NBEAL1: variants seen among roughly 807,000 people sequenced by gnomAD.
NBEAL1 encodes the protein neurobeachin like 1, also known as neurobeachin-like protein 1.
A neutral mutation model predicts 351.3 loss-of-function variants in NBEAL1; 273 were observed. The observed-to-expected ratio is 0.78, with a 90% CI of 0.70 to 0.86. The LOEUF (loss-of-function observed/expected upper bound fraction) is 0.86. NBEAL1 is among the 40% of genes least tolerant of loss of function. The pLI is 0.00. For missense variants in NBEAL1, 2,961 were observed against 3,201.3 expected (o/e 0.92, Z 1.81); for synonymous variants, 1,050 against 1,086.4 (o/e 0.97, Z 0.66).
At chr2:203,058,462 G>A (rs1053230709) in intron 6 of NBEAL1, among the ~76,000 whole-genome samples, 1 of 152,180 alleles carries the variant, frequency 6.6e-6, no homozygotes, top group African/African-American at 2.4e-5. Context: ...GGGAACAAAG[G>A]GAAGAGAATG....
intron 2 of NBEAL1, among the ~76,000 whole-genome samples, chr2:203,023,945 T>G (rs2060811085): frequency 6.6e-6 from 1 of 152,118 alleles, no homozygotes. Flanking sequence ...GTCTCTGTTA[T>G]TTAAATAAAT....
At chr2:203,140,678 A>T (rs938995557) in intron 31 of NBEAL1, among the ~76,000 whole-genome samples, 1 of 151,916 alleles carries the variant, frequency 6.6e-6, no homozygotes, top group Admixed American at 6.6e-5. Context: ...CTAAGAACTT[A>T]AAAAAAATGA....
At chr2:203,109,496 T>C (rs1312837863) in intron 14 of NBEAL1, among the ~76,000 whole-genome samples, 1 of 152,166 alleles carries the variant, frequency 6.6e-6, no homozygotes, top group Non-Finnish European at 1.5e-5. Flanking sequence ...CAGACTTAAG[T>C]AGCTACTACT....
At position 203,219,511 on chromosome 2, in the gene NBEAL1, T is replaced by C. The variant is rs1164416735; in HGVS notation, c.*2157T>C. On this transcript the variant is annotated 3_prime_UTR_variant, in exon 56 of 56. Transcript: ENST00000683969. ...ATATCCTACCTGGACTAATACTAGA[T>C]GTACAAGGTAGTGGAATTATTTCTT... 1 of 151,072 alleles carries C rather than the reference T, an allele frequency of 6.6e-6. No homozygotes were observed. The highest frequency in any genetic ancestry group is 1.5e-5 in the Non-Finnish European group (1 of 67,854). The allele number at this position is 151,072 out of a possible 1,614,324, so 9.4% of individuals were successfully genotyped here.
At chr2:203,073,364 A>G (rs1464985696) in intron 7 of NBEAL1, among the ~76,000 whole-genome samples, 1 of 152,234 alleles carries the variant, frequency 6.6e-6, no homozygotes, top group African/African-American at 2.4e-5. Flanking sequence ...AGTTGTTCAT[A>G]GTATTTCTTC....
At chr2:203,149,820 A>T (rs1348731871) in intron 34 of NBEAL1, among the ~76,000 whole-genome samples, 1 of 152,194 alleles carries the variant, frequency 6.6e-6, no homozygotes, top group Non-Finnish European at 1.5e-5. Context: ...GGAATCATAC[A>T]ATATGTGGCT....
chr2:203,084,492 G>C lies in NBEAL1; in HGVS notation c.1021G>C (p.Asp341His). Residue 341 changes from aspartate to histidine, a missense_variant, in exon 10 of 56, where the codon GAT becomes CAT. Physicochemically the swap from Asp to His is moderately conservative, Grantham distance 81. Coordinates refer to ENST00000683969, the MANE Select transcript of NBEAL1 (RefSeq NM_001378026.1). ...CATCACAGCCATGTTAGATTGTACA[G>C]ATAGACCTGTTCTTCAGGCCATTTT... is the stretch of plus-strand genomic sequence containing the variant. ...NTITAMLDCT[D>H]RPVLQAIFLN... 6.5e-7 allele frequency: 1 copy of C among 1,539,278 alleles called. No homozygotes were observed. The highest frequency in any genetic ancestry group is 8.8e-7 in the Non-Finnish European group (1 of 1,141,410).
In NBEAL1 at chr2:203,199,405, ATTACT is replaced by A. The variant is rs1452873128; in HGVS notation, c.7201_7205del (p.Phe2401IlefsTer29). ...TTGCCTTATGACAGAAACATTTCTA[ATTACT>A]TTACATTCATCAAGGATCAAACTGT... is the stretch of plus-strand genomic sequence containing the variant. On this transcript the variant is annotated frameshift_variant, in exon 49 of 56. Transcript: ENST00000683969. LOFTEE classifies it high-confidence loss of function. The A allele has an allele frequency of 7.5e-6, 12 of 1,606,668 alleles. No homozygotes were observed. Among genetic ancestry groups the A allele is most frequent in the African/African-American group, 2.7e-5 (2 of 74,724 alleles).
intron 7 of NBEAL1, chr2:203,074,974 G>A (rs2061746090): frequency 6.6e-6 from 1 of 152,508 alleles, no homozygotes; most frequent in African/African-American, 2.4e-5. Flanking sequence ...AGGATGTTTG[G>A]GCTGCGTTTG....
intron 43 of NBEAL1, chr2:203,181,171 A>T (rs1163802892): frequency 6.6e-6 from 1 of 151,522 alleles, no homozygotes. Context: ...GACTCAAGTG[A>T]TCCTTCCACC....
chr2:203,059,318 C>G (rs1337828998), intron 6 of NBEAL1, among the ~76,000 whole-genome samples: 4 of 152,122 alleles, frequency 2.6e-5, no homozygotes, highest in Non-Finnish European at 5.9e-5. Flanking sequence ...ATAAATTATG[C>G]TTCAGTAACA....
intron 17 of NBEAL1, among the ~76,000 whole-genome samples, chr2:203,114,398 A>AT (rs2062642635): frequency 2.6e-5 from 4 of 152,152 alleles, no homozygotes; most frequent in Admixed American, 2.6e-4. Flanking sequence ...AAAACTTGTC[A>AT]TTTTTTCAAC....
chr2:203,217,217 T>C, intron 55 of NBEAL1, 36 bp from the exon 56 acceptor site: 1 of 1,441,146 alleles, frequency 6.9e-7, no homozygotes, highest in Non-Finnish European at 9.2e-7. Flanking sequence ...TTTTTCTTAA[T>C]ATTTATTCTT....
intron 7 of NBEAL1, among the ~76,000 whole-genome samples, chr2:203,069,704 G>A (rs1302868365): frequency 6.6e-6 from 1 of 152,182 alleles, no homozygotes; most frequent in Non-Finnish European, 1.5e-5. Context: ...TGCTCAGGCT[G>A]GAGTGCAGTA....
At chr2:203,209,785 G>C (rs544579304) in intron 53 of NBEAL1, among the ~76,000 whole-genome samples, 2 of 149,256 alleles carry the variant, frequency 1.3e-5, no homozygotes, top group South Asian at 4.2e-4. Flanking sequence ...TGTCCAAGCT[G>C]GAGTGCAGTG....
chr2:203,078,529 T>G (rs1450776766), intron 8 of NBEAL1, among the ~76,000 whole-genome samples: 1 of 152,066 alleles, frequency 6.6e-6, no homozygotes, highest in Non-Finnish European at 1.5e-5. Flanking sequence ...TTAGCAAACA[T>G]GAGGTTTTGC....
rs200276941 is a variant in NBEAL1, at chr2:203,126,986, G to A, written c.3248+60G>A. Reference sequence around the variant, plus strand: ...TTATTTTCTGTCTGCTACTTGATTGGAATGTGTAGACTGTAGACTTTCTCT... The same window carrying A: ...TTATTTTCTGTCTGCTACTTGATTGAAATGTGTAGACTGTAGACTTTCTCT... On this transcript the variant is annotated intron_variant, in intron 23 of 55. Transcript: ENST00000683969. 27 of 1,171,546 alleles carry A rather than the reference G, an allele frequency of 2.3e-5. No individual in the cohort carries two copies. In the South Asian group the frequency reaches 2.9e-4, roughly 12 times the overall value. 72.6% of individuals were successfully genotyped at this position (1,171,546 alleles called of 1,614,324 possible). A position where few individuals can be genotyped will look rare whatever the true frequency, so the allele number is the denominator to read the frequency against.
intron 6 of NBEAL1, among the ~76,000 whole-genome samples, chr2:203,059,610 T>C (rs2061462249): frequency 6.6e-6 from 1 of 152,258 alleles, no homozygotes; most frequent in East Asian, 1.9e-4. Flanking sequence ...CCCCATCTAC[T>C]ACAGTGGGGC....
chr2:203,215,291 G>A (rs2065878164), intron 55 of NBEAL1, among the ~76,000 whole-genome samples: 1 of 152,054 alleles, frequency 6.6e-6, no homozygotes, highest in African/African-American at 2.4e-5. Context: ...ACGAGGTCAA[G>A]AGATCAAGAC....
Sources: gnomAD v4.1 joint callset for allele counts (sites outside exome capture counted in the v4.1 genomes callset) on GRCh38, gnomAD v4.1.1 for gene constraint, MANE v1.5 for transcripts, NCBI Gene and HGNC (gene_info 2026-07-23, HGNC 2026-07-21) for gene names.